MAML2: variants seen among roughly 807,000 people sequenced by gnomAD.
The protein encoded by MAML2 is mastermind like transcriptional coactivator 2.
A neutral mutation model predicts 96.1 loss-of-function variants in MAML2; 22 were observed. The ratio of observed to expected loss-of-function variants is 0.23; its 90% CI spans 0.16 to 0.33. The LOEUF (loss-of-function observed/expected upper bound fraction) is 0.33, where lower values mean the gene tolerates loss of function less well. MAML2 is among the 10% of genes least tolerant of loss of function. The probability of loss-of-function intolerance (pLI) is 1.00; values close to 1 mark genes in which losing one functional copy is unlikely to be tolerated. For synonymous variants in MAML2, 561 were observed against 521.3 expected (o/e 1.08, Z -1.04); for missense variants, 1,367 against 1,392.4 (o/e 0.98, Z 0.29).
intron 1 of MAML2, among the ~76,000 whole-genome samples, chr11:96,293,032 A>G (rs989211190): frequency 6.6e-6 from 1 of 152,242 alleles, no homozygotes; most frequent in Non-Finnish European, 1.5e-5. Flanking sequence ...TCAAATGGAA[A>G]GTAAAAAATG....
In MAML2 at chr11:95,978,718, C is replaced by A; in HGVS notation, c.*230G>T. The A allele has an allele frequency of 2.0e-6, 1 of 511,628 alleles. No individual in the cohort carries two copies. The highest frequency in any genetic ancestry group is 3.4e-6 in the Non-Finnish European group (1 of 290,994). The allele number at this position is 511,628 out of a possible 1,614,324, so 31.7% of individuals were successfully genotyped here. ...GTTTGGATAAATTGGATACTGTATC[C>A]TGGAGTTTAGACAGGGAAAAGTGAT... On this transcript the variant is annotated 3_prime_UTR_variant, in exon 5 of 5. Transcript: ENST00000524717.
At chr11:96,298,324 G>C (rs188169762) in intron 1 of MAML2, among the ~76,000 whole-genome samples, 1 of 152,330 alleles carries the variant, frequency 6.6e-6, no homozygotes, top group East Asian at 1.9e-4. Flanking sequence ...CAGAGAAACA[G>C]TGAGGATGGA....
At chr11:96,089,346 G>C (rs1859668862) in intron 2 of MAML2, among the ~76,000 whole-genome samples, 2 of 152,172 alleles carry the variant, frequency 1.3e-5, no homozygotes, top group Admixed American at 6.5e-5. Flanking sequence ...TTAACATCTT[G>C]AGAAGGAGCT....
At chr11:96,042,308 G>T (rs768072822) in intron 2 of MAML2, among the ~76,000 whole-genome samples, 2 of 152,082 alleles carry the variant, frequency 1.3e-5, no homozygotes, top group African/African-American at 4.8e-5. Flanking sequence ...TTTTAGTAGA[G>T]ACCAGGTTTC....
At chr11:96,119,957 G>GTTTT (rs1565220739) in intron 1 of MAML2, among the ~76,000 whole-genome samples, 11 of 50,440 alleles carry the variant, frequency 2.2e-4, no homozygotes, top group African/African-American at 7.2e-4. Context: ...AGAAGATTCA[G>GTTTT]ATTTTTTTTT....
intron 2 of MAML2, among the ~76,000 whole-genome samples, chr11:96,025,606 T>A (rs1247082212): frequency 6.6e-6 from 1 of 152,182 alleles, no homozygotes; most frequent in South Asian, 2.1e-4. Context: ...CAGGCTGGAG[T>A]GCAATGGCAC....
intron 2 of MAML2, among the ~76,000 whole-genome samples, chr11:96,080,347 C>T (rs376763769): frequency 1.3e-5 from 2 of 152,170 alleles, no homozygotes; most frequent in East Asian, 3.9e-4. Context: ...CCTCCTGAGA[C>T]TGAAAAGAGT....
chr11:96,173,062 A>G (rs1861323656), intron 1 of MAML2, among the ~76,000 whole-genome samples: 1 of 152,138 alleles, frequency 6.6e-6, no homozygotes, highest in Non-Finnish European at 1.5e-5. Flanking sequence ...TGGCATTTAC[A>G]AGCCATCTCT....
At chr11:96,218,422 G>T (rs1862082077) in intron 1 of MAML2, among the ~76,000 whole-genome samples, 1 of 152,170 alleles carries the variant, frequency 6.6e-6, no homozygotes, top group Admixed American at 6.5e-5. Context: ...TACACAGCAT[G>T]AAATGCATTT....
intron 1 of MAML2, among the ~76,000 whole-genome samples, chr11:96,215,468 TA>T (rs1389786684): frequency 6.6e-6 from 1 of 152,238 alleles, no homozygotes; most frequent in African/African-American, 2.4e-5. Flanking sequence ...CTAACACTTC[TA>T]GGGGCAGCTT....
chr11:96,094,941 G>A (rs1478449822), intron 1 of MAML2, among the ~76,000 whole-genome samples: 2 of 152,110 alleles, frequency 1.3e-5, no homozygotes, highest in Non-Finnish European at 2.9e-5. Flanking sequence ...ACATAACTGA[G>A]TATATATTAC....
chr11:96,301,224 T>TG (rs1313565973), intron 1 of MAML2, among the ~76,000 whole-genome samples: 1 of 152,220 alleles, frequency 6.6e-6, no homozygotes, highest in Non-Finnish European at 1.5e-5. Flanking sequence ...AGTCAAAAGT[T>TG]GATTTCTTTT....
At chr11:96,300,755 A>T (rs182219157) in intron 1 of MAML2, among the ~76,000 whole-genome samples, 30 of 152,374 alleles carry the variant, frequency 2.0e-4, no homozygotes, top group Middle Eastern at 3.4e-3. Flanking sequence ...GGGAGGATTC[A>T]TGAACCCAGA....
At chr11:96,103,052 A>G (rs1339687414) in intron 1 of MAML2, among the ~76,000 whole-genome samples, 2 of 152,190 alleles carry the variant, frequency 1.3e-5, no homozygotes, top group African/African-American at 2.4e-5. Context: ...CAGTCTGGAA[A>G]GCTTTCTCTA....
At chr11:96,018,540 A>G (rs1214891139) in intron 2 of MAML2, among the ~76,000 whole-genome samples, 1 of 152,184 alleles carries the variant, frequency 6.6e-6, no homozygotes, top group Non-Finnish European at 1.5e-5. Context: ...AGTGCAAACC[A>G]TGAATGAGTT....
chr11:95,988,431 T>A (rs965153176), intron 3 of MAML2, among the ~76,000 whole-genome samples: 1 of 150,960 alleles, frequency 6.6e-6, no homozygotes, highest in Admixed American at 6.6e-5. Context: ...GCTAATTTTG[T>A]ATTTTTTTAG....
chr11:96,060,054 G>A (rs1031241508), intron 2 of MAML2, among the ~76,000 whole-genome samples: 1 of 152,222 alleles, frequency 6.6e-6, no homozygotes, highest in African/African-American at 2.4e-5. Flanking sequence ...ATAAAGCCAA[G>A]AGGGAAGAGG....
At chr11:96,261,811 T>C (rs1862754394) in intron 1 of MAML2, among the ~76,000 whole-genome samples, 1 of 152,242 alleles carries the variant, frequency 6.6e-6, no homozygotes, top group Non-Finnish European at 1.5e-5. Flanking sequence ...AGTTTGATTA[T>C]AAACAACCAA....
At chr11:96,239,298 C>T (rs1018440258) in intron 1 of MAML2, among the ~76,000 whole-genome samples, 1 of 152,160 alleles carries the variant, frequency 6.6e-6, no homozygotes, top group Non-Finnish European at 1.5e-5. Context: ...TTCTTTCCTT[C>T]CTTGAGTGAT....
Sources: allele counts gnomAD v4.1 joint callset (sites outside exome capture counted in the v4.1 genomes callset), GRCh38; gene constraint gnomAD v4.1.1; transcripts MANE v1.5; gene names NCBI Gene and HGNC (gene_info 2026-07-23, HGNC 2026-07-21).